TBC1D32: variants seen among roughly 807,000 people sequenced by gnomAD.
TBC1D32 encodes protein broad-minded.
In TBC1D32, 151 loss-of-function variants were observed where a neutral mutation model predicts 170.3. The ratio of observed to expected loss-of-function variants is 0.89; its 90% CI spans 0.78 to 1.01. TBC1D32 has a LOEUF of 1.01. Among genes scored for constraint, TBC1D32 ranks in the 50% least tolerant of loss-of-function variants. TBC1D32 has a pLI of 0.00. For missense variants in TBC1D32, 1,464 were observed against 1,457.1 expected (o/e 1.00, Z -0.08); for synonymous variants, 498 against 488.0 (o/e 1.02, Z -0.27).
chr6:121,299,402 T>C, intron 10 of TBC1D32, 44 bp downstream of exon 10: 2 of 1,452,588 alleles, frequency 1.4e-6, no homozygotes, highest in East Asian at 2.5e-5. Flanking sequence ...ATATATATTC[T>C]GGTGATATTA....
intron 24 of TBC1D32, among the ~76,000 whole-genome samples, chr6:121,156,635 CT>C: frequency 6.6e-6 from 1 of 151,878 alleles, no homozygotes. Flanking sequence ...TTTCTAACCT[CT>C]TGATGAAAGC....
At chr6:121,219,234 T>C (rs946961560) in intron 21 of TBC1D32, among the ~76,000 whole-genome samples, 1 of 152,084 alleles carries the variant, frequency 6.6e-6, no homozygotes, top group African/African-American at 2.4e-5. Context: ...TACAGTGTGG[T>C]AAATAAAAGA....
At chr6:121,334,045 C>T (rs927810427) in intron 1 of TBC1D32, among the ~76,000 whole-genome samples, 1 of 152,010 alleles carries the variant, frequency 6.6e-6, no homozygotes, top group African/African-American at 2.4e-5. Flanking sequence ...CCGGCCTGGG[C>T]GACAGAGCGA....
intron 1 of TBC1D32, among the ~76,000 whole-genome samples, chr6:121,325,312 T>G (rs1260848586): frequency 6.6e-6 from 1 of 151,268 alleles, no homozygotes; most frequent in Non-Finnish European, 1.5e-5. Flanking sequence ...TTCAATTCCA[T>G]AAAAGTATCA....
At chr6:121,110,004 C>A (rs888501676) in intron 29 of TBC1D32, among the ~76,000 whole-genome samples, 20 of 151,936 alleles carry the variant, frequency 1.3e-4, no homozygotes, top group Non-Finnish European at 2.4e-4. Flanking sequence ...GTAATCCCAG[C>A]ACTTTGGGAG....
chr6:121,223,165 A>T, intron 21 of TBC1D32, 71 bp downstream of exon 21: 1 of 1,010,150 alleles, frequency 9.9e-7, no homozygotes, highest in South Asian at 1.7e-5. Context: ...TTTTTGGTCA[A>T]ATTACCTTTT....
chr6:121,192,053 A>ATATAT (rs1158179800), intron 22 of TBC1D32, among the ~76,000 whole-genome samples: 2 of 59,666 alleles, frequency 3.4e-5, no homozygotes, highest in Admixed American at 2.9e-4. Context: ...GTTAATACTT[A>ATATAT]ATAAACTACC....
At chr6:121,199,029 A>T (rs1368809205) in intron 22 of TBC1D32, among the ~76,000 whole-genome samples, 3 of 151,474 alleles carry the variant, frequency 2.0e-5, no homozygotes, top group Non-Finnish European at 4.4e-5. Context: ...AAAGGAATAC[A>T]TTTCATTAAG....
chr6:121,331,375 ATTTT>A (rs5879594), intron 1 of TBC1D32, among the ~76,000 whole-genome samples: 1 of 139,358 alleles, frequency 7.2e-6, no homozygotes, highest in African/African-American at 2.6e-5. Flanking sequence ...TGCCCGGCTA[ATTTT>A]TTTTTTTTTT....
chr6:121,280,281 T>G (rs1802799663), intron 14 of TBC1D32, among the ~76,000 whole-genome samples: 1 of 151,840 alleles, frequency 6.6e-6, no homozygotes, highest in Non-Finnish European at 1.5e-5. Context: ...TTTAAATATT[T>G]TTTGTTTAAA....
At chr6:121,122,382 T>C (rs780854050) in intron 26 of TBC1D32, among the ~76,000 whole-genome samples, 17 of 151,860 alleles carry the variant, frequency 1.1e-4, no homozygotes, top group Non-Finnish European at 2.4e-4. Context: ...TTCAAAACCC[T>C]GCAATGACTT....
chr6:121,278,707 A>C (rs575130548), intron 15 of TBC1D32, among the ~76,000 whole-genome samples: 2 of 152,256 alleles, frequency 1.3e-5, no homozygotes, highest in African/African-American at 4.8e-5. Context: ...CATTTTTGTA[A>C]AGAGAAGATA....
chr6:121,315,317 T>C (rs1304064978), intron 3 of TBC1D32, among the ~76,000 whole-genome samples: 2 of 152,182 alleles, frequency 1.3e-5, no homozygotes, highest in African/African-American at 4.8e-5. Context: ...GGTATTATTA[T>C]TATAGCTGGT....
chr6:121,258,930 T>G (rs1191839245), intron 15 of TBC1D32, among the ~76,000 whole-genome samples: 4 of 151,902 alleles, frequency 2.6e-5, no homozygotes, highest in African/African-American at 4.8e-5. Context: ...ATCTAACATT[T>G]TATGCCTTAT....
intron 24 of TBC1D32, 69 bp downstream of exon 24, chr6:121,159,941 T>C: frequency 1.9e-6 from 2 of 1,063,674 alleles, no homozygotes; most frequent in South Asian, 2.7e-5. Context: ...TCTTCCTTAA[T>C]ATTTTCTTTT....
chr6:121,248,190 G>A (rs752851236), intron 17 of TBC1D32, among the ~76,000 whole-genome samples: 72 of 151,756 alleles, frequency 4.7e-4, no homozygotes, highest in Non-Finnish European at 7.4e-4. Flanking sequence ...ACAAATACAT[G>A]GAAATTAAAC....
At chr6:121,159,689 T>C (rs1356016323) in intron 24 of TBC1D32, among the ~76,000 whole-genome samples, 1 of 152,176 alleles carries the variant, frequency 6.6e-6, no homozygotes, top group African/African-American at 2.4e-5. Context: ...TACTGAATAC[T>C]GTAGGCAATT....
intron 14 of TBC1D32, among the ~76,000 whole-genome samples, chr6:121,281,168 AG>A (rs58944319): frequency 0.051 from 7,711 of 151,948 alleles, 367 homozygotes; most frequent in African/African-American, 0.12. Flanking sequence ...TTGGTTACTA[AG>A]GAAAATAATC....
chr6:121,109,143 G>A (rs1262283277), intron 29 of TBC1D32, among the ~76,000 whole-genome samples: 1 of 152,032 alleles, frequency 6.6e-6, no homozygotes, highest in African/African-American at 2.4e-5. Context: ...TTCTACAAAG[G>A]GGTAACAAGT....
Sources: allele counts gnomAD v4.1 joint callset (sites outside exome capture counted in the v4.1 genomes callset), GRCh38; gene constraint gnomAD v4.1.1; transcripts MANE v1.5; gene names NCBI Gene and HGNC (gene_info 2026-07-23, HGNC 2026-07-21).